The following YIPF7 variants were observed in gnomAD, a reference collection of about 807,000 sequenced individuals.
The protein encoded by YIPF7 is Yip1 domain family member 7, also known as protein YIPF7.
YIPF7 carries 35 observed loss-of-function variants against 27.2 expected under a neutral mutation model. That is an observed-to-expected ratio of 1.29 (90% CI 0.98 to 1.70). The LOEUF (loss-of-function observed/expected upper bound fraction) is 1.70. YIPF7 is among the 40% of genes most tolerant of loss of function. The probability of loss-of-function intolerance (pLI) is 0.00; values close to 1 mark genes in which losing one functional copy is unlikely to be tolerated. For missense variants in YIPF7, 358 were observed against 303.7 expected (o/e 1.18, Z -1.33); for synonymous variants, 137 against 110.4 (o/e 1.24, Z -1.51).
At chr4:44,628,016 C>A (rs916354980) in intron 4 of YIPF7, among the ~76,000 whole-genome samples, 2 of 152,142 alleles carry the variant, frequency 1.3e-5, no homozygotes, top group Non-Finnish European at 2.9e-5. Context: ...GAACCAACAG[C>A]TGCTTTATTA....
chr4:44,652,353 T>C (rs1402799809), upstream of YIPF7, among the ~76,000 whole-genome samples: 2 of 152,202 alleles, frequency 1.3e-5, no homozygotes, highest in African/African-American at 2.4e-5. Context: ...TCTGGTGTTC[T>C]CATCCCTAAT....
chr4:44,638,372 C>A (rs1225737499), intron 2 of YIPF7, among the ~76,000 whole-genome samples: 1 of 150,858 alleles, frequency 6.6e-6, no homozygotes, highest in East Asian at 2.0e-4. Flanking sequence ...CAGGTGAGGG[C>A]AAAACAGTCC....
At chr4:44,630,116 G>A (rs1712834371) in intron 3 of YIPF7, among the ~76,000 whole-genome samples, 1 of 152,134 alleles carries the variant, frequency 6.6e-6, no homozygotes, top group Non-Finnish European at 1.5e-5. Context: ...CTATAGGCAT[G>A]CACCACCACA....
intron 2 of YIPF7, among the ~76,000 whole-genome samples, chr4:44,649,615 T>TAAA (rs11479581): frequency 7.1e-6 from 1 of 140,688 alleles, no homozygotes; most frequent in Non-Finnish European, 1.6e-5. Flanking sequence ...TACTAAACAT[T>TAAA]AAAAAAAAAA....
intron 2 of YIPF7, among the ~76,000 whole-genome samples, chr4:44,642,990 C>G (rs180856237): frequency 6.6e-6 from 1 of 152,088 alleles, no homozygotes. Context: ...CATTGCTATA[C>G]AGATACTTGG....
intron 2 of YIPF7, among the ~76,000 whole-genome samples, chr4:44,643,761 G>T (rs1713422305): frequency 6.6e-6 from 1 of 152,260 alleles, no homozygotes; most frequent in African/African-American, 2.4e-5. Flanking sequence ...ACAGCTCACT[G>T]CTTCAGAGGA....
At chr4:44,639,540 A>T (rs1312677833) in intron 2 of YIPF7, among the ~76,000 whole-genome samples, 3 of 152,146 alleles carry the variant, frequency 2.0e-5, no homozygotes, top group Admixed American at 6.5e-5. Flanking sequence ...TTGATTTTAT[A>T]TATGTATGTA....
intron 3 of YIPF7, among the ~76,000 whole-genome samples, chr4:44,629,956 C>T (rs1712826849): frequency 6.6e-6 from 1 of 152,122 alleles, no homozygotes; most frequent in African/African-American, 2.4e-5. Flanking sequence ...TAGATATTTC[C>T]TTTTCCTGCA....
chr4:44,626,743 T>G (rs966573134), intron 4 of YIPF7, among the ~76,000 whole-genome samples: 2 of 146,850 alleles, frequency 1.4e-5, no homozygotes, highest in Non-Finnish European at 3.0e-5. Flanking sequence ...ATCCTCCCTA[T>G]TCCATCCTCA....
upstream of YIPF7, among the ~76,000 whole-genome samples, chr4:44,656,569 G>C (rs967330131): frequency 1.3e-5 from 2 of 152,048 alleles, no homozygotes; most frequent in Admixed American, 1.3e-4. Flanking sequence ...TAGCTGGCAA[G>C]TAGTAAATTG....
In YIPF7 at chr4:44,622,520, G is replaced by A. The variant is rs1328332239; in HGVS notation, c.665C>T (p.Ala222Val). Residue 222 changes from alanine to valine, a missense_variant, in exon 6 of 6, where the codon GCT becomes GTT. Transcript: ENST00000415895. The part of the protein sequence containing the change: ...LVIIGWCSLS[A>V]SKIFIAALHM... The stretch of plus-strand genomic sequence containing the variant: ...CAAGGCTGCAATGAAGATCTTGGAA[G>A]CTGAGAGACTACACCAGCCAATGAT... The A allele has an allele frequency of 1.9e-6, 3 of 1,613,854 alleles. No individual in the cohort carries two copies. The South Asian group carries it at 3.3e-5, about 18-fold the overall frequency.
intron 2 of YIPF7, among the ~76,000 whole-genome samples, chr4:44,642,861 G>A (rs568768798): frequency 1.3e-5 from 2 of 152,262 alleles, no homozygotes; most frequent in African/African-American, 4.8e-5. Context: ...TTCCTGTTCA[G>A]CCTGTGGAAC....
chr4:44,633,201 T>G (rs796816811), intron 3 of YIPF7, among the ~76,000 whole-genome samples: 14 of 152,290 alleles, frequency 9.2e-5, no homozygotes, highest in African/African-American at 2.9e-4. Flanking sequence ...ACAAAACTGT[T>G]CCCTGGTGCC....
chr4:44,641,233 T>C (rs991702497), intron 2 of YIPF7, among the ~76,000 whole-genome samples: 5 of 152,172 alleles, frequency 3.3e-5, no homozygotes, highest in African/African-American at 1.2e-4. Flanking sequence ...CACTTTCCTG[T>C]TGAATTCCAA....
chr4:44,632,290 G>C (rs993782392), intron 3 of YIPF7, among the ~76,000 whole-genome samples: 2 of 152,138 alleles, frequency 1.3e-5, no homozygotes, highest in Non-Finnish European at 2.9e-5. Context: ...TTATTGTTTT[G>C]CTGTCATCTA....
At chr4:44,653,990 T>G, upstream of YIPF7, among the ~76,000 whole-genome samples, 1 of 152,194 alleles carries the variant, frequency 6.6e-6, no homozygotes, top group East Asian at 1.9e-4. Flanking sequence ...CTGGCTCGAT[T>G]AAATGAATTA....
chr4:44,658,189 G>T (rs1312723229), intron 2 of YIPF7, among the ~76,000 whole-genome samples: 2 of 152,076 alleles, frequency 1.3e-5, no homozygotes, highest in African/African-American at 2.4e-5. Flanking sequence ...TCTTTGGGAG[G>T]TTACTAAGTC....
At chr4:44,645,437 T>A (rs1482241716) in intron 2 of YIPF7, among the ~76,000 whole-genome samples, 1 of 152,206 alleles carries the variant, frequency 6.6e-6, no homozygotes, top group East Asian at 1.9e-4. Context: ...AAGCCTATAG[T>A]CCTTGACGAT....
At chr4:44,645,758 T>C (rs940392629) in intron 2 of YIPF7, among the ~76,000 whole-genome samples, 1 of 152,180 alleles carries the variant, frequency 6.6e-6, no homozygotes, top group African/African-American at 2.4e-5. Flanking sequence ...CCTCTTCCTT[T>C]AAAAATCACT....
Sources: allele counts gnomAD v4.1 joint callset (sites outside exome capture counted in the v4.1 genomes callset), GRCh38; gene constraint gnomAD v4.1.1; transcripts MANE v1.5; gene names NCBI Gene and HGNC (gene_info 2026-07-23, HGNC 2026-07-21).